The following SYNE2 variants were observed in gnomAD, a reference collection of about 807,000 sequenced individuals.
SYNE2 encodes nesprin-2.
In SYNE2, 431 loss-of-function variants were observed where a neutral mutation model predicts 856.3. The ratio of observed to expected loss-of-function variants is 0.50; its 90% CI spans 0.47 to 0.55. The LOEUF (loss-of-function observed/expected upper bound fraction) is 0.55. Ranked by LOEUF, SYNE2 falls within the 20% of genes least tolerant of loss-of-function variation. SYNE2 has a pLI of 0.00. For synonymous variants in SYNE2, 2,923 were observed against 2,872.3 expected, an observed-to-expected ratio of 1.02 and a Z score of -0.56; for missense variants, 8,129 against 8,023.2, an observed-to-expected ratio of 1.01 and a Z score of -0.50.
chr14:64,054,686 T>C (rs1711907742), intron 48 of SYNE2, among the ~76,000 whole-genome samples: 1 of 152,190 alleles, frequency 6.6e-6, no homozygotes, highest in African/African-American at 2.4e-5. Context: ...CTCACCTCTG[T>C]TGGAAAGTGA....
intron 49 of SYNE2, among the ~76,000 whole-genome samples, chr14:64,057,142 T>G (rs1488911446): frequency 2.0e-5 from 3 of 152,186 alleles, no homozygotes; most frequent in Admixed American, 2.0e-4. Flanking sequence ...CCAACTGTAC[T>G]CTTAGTTATT....
intron 2 of SYNE2, among the ~76,000 whole-genome samples, chr14:63,925,486 T>A (rs958009092): frequency 1.3e-5 from 2 of 152,230 alleles, no homozygotes; most frequent in African/African-American, 4.8e-5. Context: ...CCCAAGCATT[T>A]ATCCTTTGTG....
intron 14 of SYNE2, among the ~76,000 whole-genome samples, chr14:63,979,964 G>A (rs956600333): frequency 6.6e-6 from 1 of 152,024 alleles, no homozygotes; most frequent in Non-Finnish European, 1.5e-5. Context: ...AAATTTTATT[G>A]TAAAAATTTA....
At chr14:64,203,113 G>A in intron 100 of SYNE2, 150 bp downstream of exon 100, 2 of 1,017,618 alleles carry the variant, frequency 2.0e-6, no homozygotes, top group South Asian at 2.8e-5. Context: ...ACCTTTCCAT[G>A]TTCTTATATC....
At chr14:63,916,111 G>A (rs574934651) in intron 2 of SYNE2, among the ~76,000 whole-genome samples, 34 of 150,542 alleles carry the variant, frequency 2.3e-4, no homozygotes, top group Non-Finnish European at 4.0e-4. Context: ...AGCCTGGGCC[G>A]CAAATATAAT....
intron 51 of SYNE2, among the ~76,000 whole-genome samples, chr14:64,065,871 G>C (rs1183304589): frequency 6.6e-6 from 1 of 152,096 alleles, no homozygotes; most frequent in Non-Finnish European, 1.5e-5. Flanking sequence ...ATTGATAGCA[G>C]ATAATTCTTA....
rs374289742 is a variant in SYNE2, at chr14:63,797,841, T to C, written c.-305+35855T>C. On this transcript the variant is annotated intron_variant, in intron 1 of 23. Coordinates refer to the SYNE2 transcript ENST00000674003. The stretch of plus-strand genomic sequence containing the variant: ...ACAATACCTTGCTCATAGTAGACAC[T>C]GAAGAAGTGAGAGATTTTTCTAGCC... 1.4e-4 allele frequency among the ~76,000 whole-genome samples: 22 copies of C among 152,340 alleles called. No homozygotes were observed. The South Asian group carries it at 4.3e-3, about 30-fold the overall frequency.
chr14:64,168,990 A>G lies in SYNE2; in HGVS notation c.17000+19A>G, dbSNP rs375915969. 8.1e-6 allele frequency: 13 copies of G among 1,596,298 alleles called. No individual in the cohort carries two copies. Among genetic ancestry groups the G allele is most frequent in the African/African-American group, 2.7e-5 (2 of 74,680 alleles). ...AGAACAGGTGAGCTGTCTGGGCCTC[A>G]TGAAGGTTGTGGGCGGATGGAAGGT... On this transcript the variant is annotated intron_variant, in intron 93 of 115. Coordinates refer to ENST00000555002, the MANE Select transcript of SYNE2 (RefSeq NM_182914.3).
chr14:63,993,643 T>C (rs534523123), intron 21 of SYNE2, among the ~76,000 whole-genome samples, 192 bp from the exon 22 acceptor site: 6 of 152,188 alleles, frequency 3.9e-5, no homozygotes, highest in Non-Finnish European at 4.4e-5. Flanking sequence ...TTGAAAAGAA[T>C]TTAAGAGATT....
At chr14:63,770,803 A>G (rs575905653) in intron 1 of SYNE2, among the ~76,000 whole-genome samples, 1 of 152,130 alleles carries the variant, frequency 6.6e-6, no homozygotes, top group Non-Finnish European at 1.5e-5. Flanking sequence ...TGTGTGAGCC[A>G]CTGTGCCCAA....
chr14:64,029,737 T>C (rs1354816584), intron 43 of SYNE2, among the ~76,000 whole-genome samples, 158 bp from the exon 44 acceptor site: 3 of 152,202 alleles, frequency 2.0e-5, no homozygotes, highest in Non-Finnish European at 4.4e-5. Context: ...TGCAGTGAAA[T>C]ATCTCCAACT....
In SYNE2 at chr14:63,915,519, C is replaced by A. The variant is rs537977764; in HGVS notation, c.79+6292C>A. Among the ~76,000 whole-genome samples, 3 of 152,164 alleles carry A rather than the reference C, an allele frequency of 2.0e-5. No individual in the cohort carries two copies. The South Asian group carries it at 6.2e-4, about 32-fold the overall frequency. The stretch of plus-strand genomic sequence containing the variant: ...ACAGAATATTATCATTAATTAGGCA[C>A]TGAACTAGGAATGAGTGTGGATTCT... On this transcript the variant is annotated intron_variant, in intron 2 of 115. Transcript: ENST00000555002.
chr14:64,126,057 A>G (rs938129589), intron 71 of SYNE2, among the ~76,000 whole-genome samples: 5 of 152,204 alleles, frequency 3.3e-5, no homozygotes, highest in East Asian at 1.9e-4. Context: ...TCGCCCTGCT[A>G]AGGGATCCTT....
At chr14:63,796,182 C>A (rs186067317) in intron 1 of SYNE2, among the ~76,000 whole-genome samples, 4 of 152,302 alleles carry the variant, frequency 2.6e-5, no homozygotes, top group Admixed American at 2.6e-4. Flanking sequence ...GATATTTGGC[C>A]AGGCACAATT....
intron 1 of SYNE2, among the ~76,000 whole-genome samples, chr14:63,842,095 A>T (rs1890086267): frequency 6.6e-6 from 1 of 151,096 alleles, no homozygotes; most frequent in African/African-American, 2.4e-5. Flanking sequence ...CAGCCTCCCA[A>T]AGTGCTGGGA....
intron 2 of SYNE2, among the ~76,000 whole-genome samples, chr14:63,928,964 A>G (rs1391446493): frequency 1.3e-5 from 2 of 152,230 alleles, no homozygotes; most frequent in African/African-American, 4.8e-5. Context: ...GGTTCCTGGC[A>G]CAGAGCTCCT....
chr14:64,021,591 T>A (rs146961352), intron 36 of SYNE2, 76 bp downstream of exon 36: 42 of 1,545,652 alleles, frequency 2.7e-5, no homozygotes, highest in Non-Finnish European at 3.6e-5. Flanking sequence ...GCTCTTAGAG[T>A]TAATAAAAAT....
At chr14:63,933,994 G>A (rs1343411824) in intron 2 of SYNE2, among the ~76,000 whole-genome samples, 1 of 150,446 alleles carries the variant, frequency 6.6e-6, no homozygotes, top group Non-Finnish European at 1.5e-5. Flanking sequence ...AAGTGTGTCA[G>A]GGGATAAATG....
At chr14:63,829,799 G>A (rs945730350) in intron 1 of SYNE2, among the ~76,000 whole-genome samples, 1 of 151,470 alleles carries the variant, frequency 6.6e-6, no homozygotes, top group African/African-American at 2.4e-5. Context: ...TTTATTTTTG[G>A]GGTAGACGGG....
Sources: allele counts gnomAD v4.1 joint callset (sites outside exome capture counted in the v4.1 genomes callset), GRCh38; gene constraint gnomAD v4.1.1; transcripts MANE v1.5; gene names NCBI Gene and HGNC (gene_info 2026-07-23, HGNC 2026-07-21).